PSPC1: variants seen among roughly 807,000 people sequenced by gnomAD.
PSPC1 encodes paraspeckle protein 1.
In PSPC1, 14 loss-of-function variants were observed where a neutral mutation model predicts 51.6. The observed-to-expected ratio is 0.27, with a 90% confidence interval of 0.18 to 0.42. The LOEUF (loss-of-function observed/expected upper bound fraction) is 0.42, where lower values mean the gene tolerates loss of function less well. PSPC1 is among the 10% of genes least tolerant of loss of function. The probability of loss-of-function intolerance (pLI) is 1.00; values close to 1 mark genes in which losing one functional copy is unlikely to be tolerated. For synonymous variants in PSPC1, 193 were observed against 231.9 expected (o/e 0.83, Z 1.53); for missense variants, 406 against 701.1 (o/e 0.58, Z 4.75).
At chr13:19,693,581 T>C (rs553825809) in intron 6 of PSPC1, among the ~76,000 whole-genome samples, 1 of 152,332 alleles carries the variant, frequency 6.6e-6, no homozygotes, top group Non-Finnish European at 1.5e-5. Flanking sequence ...CACAAATGTT[T>C]TAAGAGAAAT....
intron 3 of PSPC1, among the ~76,000 whole-genome samples, chr13:19,754,543 G>A (rs1450724393): frequency 2.7e-5 from 4 of 148,960 alleles, no homozygotes; most frequent in Non-Finnish European, 5.9e-5. Context: ...GGATTCAAGC[G>A]ATTCTCCTGC....
chr13:19,694,486 A>G (rs1304030820), intron 6 of PSPC1, among the ~76,000 whole-genome samples: 1 of 152,334 alleles, frequency 6.6e-6, no homozygotes, highest in East Asian at 1.9e-4. Context: ...GGCATATGCC[A>G]CATTTAAAAG....
downstream of PSPC1, chr13:19,672,371 T>TG: frequency 6.5e-6 from 1 of 154,072 alleles, no homozygotes; most frequent in Non-Finnish European, 1.4e-5. Context: ...CTTGAACTCC[T>TG]GACCTCAGGT....
intron 3 of PSPC1, among the ~76,000 whole-genome samples, chr13:19,752,578 T>C: frequency 6.6e-6 from 1 of 151,602 alleles, no homozygotes; most frequent in Non-Finnish European, 1.5e-5. Context: ...TTTTTCACTT[T>C]TTTATTTATT....
At chr13:19,756,522 G>A (rs1887087386) in intron 3 of PSPC1, among the ~76,000 whole-genome samples, 1 of 151,056 alleles carries the variant, frequency 6.6e-6, no homozygotes, top group Non-Finnish European at 1.5e-5. Flanking sequence ...TTTTTTTTGA[G>A]ACGGAGTCTC....
At chr13:19,777,590 TTAA>T (rs1889300442) in intron 1 of PSPC1, among the ~76,000 whole-genome samples, 1 of 152,180 alleles carries the variant, frequency 6.6e-6, no homozygotes, top group African/African-American at 2.4e-5. Context: ...TTCATTATTA[TTAA>T]TAGTTTGCGA....
chr13:19,745,889 T>A (rs1885922657), intron 4 of PSPC1, among the ~76,000 whole-genome samples: 1 of 152,178 alleles, frequency 6.6e-6, no homozygotes, highest in Non-Finnish European at 1.5e-5. Context: ...TCACATGTAT[T>A]TAAATCCTAA....
At chr13:19,675,698 C>T (rs1277063979) in intron 7 of PSPC1, 1 of 152,136 alleles carries the variant, frequency 6.6e-6, no homozygotes, top group Non-Finnish European at 1.5e-5. Context: ...GATCTAATCT[C>T]CATAGTATAT....
downstream of PSPC1, among the ~76,000 whole-genome samples, chr13:19,699,643 T>C (rs1367533535): frequency 3.3e-5 from 5 of 151,970 alleles, no homozygotes; most frequent in Non-Finnish European, 7.4e-5. Context: ...AAAAATGTTG[T>C]TTTTGGAGGC....
chr13:19,723,491 G>A (rs1227677932), intron 6 of PSPC1, among the ~76,000 whole-genome samples: 2 of 152,130 alleles, frequency 1.3e-5, no homozygotes, highest in African/African-American at 4.8e-5. Flanking sequence ...TATGCCTATT[G>A]TAGGAAGTAT....
chr13:19,746,009 G>GT (rs1193097882), intron 4 of PSPC1, among the ~76,000 whole-genome samples: 1,113 of 104,022 alleles, frequency 0.011, 7 homozygotes, highest in African/African-American at 0.025. Flanking sequence ...TTTGTTTTTT[G>GT]TTTTTTTTTT....
At chr13:19,701,396 C>T (rs1302166746), downstream of PSPC1, among the ~76,000 whole-genome samples, 1 of 151,016 alleles carries the variant, frequency 6.6e-6, no homozygotes, top group East Asian at 1.9e-4. Flanking sequence ...CTCCCCATAC[C>T]CCAATTAATG....
chr13:19,756,717 A>C (rs1014825963), intron 3 of PSPC1, among the ~76,000 whole-genome samples: 3 of 151,828 alleles, frequency 2.0e-5, no homozygotes, highest in Admixed American at 6.6e-5. Flanking sequence ...GGCTGGTCTC[A>C]AACTCCTGAC....
At chr13:19,779,378 T>C (rs1237881221) in intron 1 of PSPC1, among the ~76,000 whole-genome samples, 1 of 78,190 alleles carries the variant, frequency 1.3e-5, no homozygotes, top group Non-Finnish European at 2.6e-5. Flanking sequence ...GGGAGGGAGG[T>C]GGGGGGGTCA....
chr13:19,756,843 T>C (rs1008817268), intron 3 of PSPC1, among the ~76,000 whole-genome samples: 2 of 151,872 alleles, frequency 1.3e-5, no homozygotes, highest in Non-Finnish European at 2.9e-5. Flanking sequence ...TCAAAGACAG[T>C]CAGTCGCCGG....
chr13:19,671,689 G>T (rs1465784843), downstream of PSPC1: 8 of 667,748 alleles, frequency 1.2e-5, no homozygotes, highest in Admixed American at 2.2e-4. Context: ...AATTAAAATG[G>T]CAATGATCTA....
chr13:19,754,412 A>G (rs952336412), intron 3 of PSPC1, among the ~76,000 whole-genome samples: 3 of 150,446 alleles, frequency 2.0e-5, no homozygotes, highest in African/African-American at 4.9e-5. Context: ...CTGTGAATAA[A>G]TCTAAATCTT....
rs1036042204 is a variant in PSPC1, at chr13:19,744,859, G to A, written c.968-3210C>T. ...ATTAAAGGCGTGAGCCACCGCGCCC[G>A]GCCCAACTAGAGATGTCTTTATCTT... On this transcript the variant is annotated intron_variant, in intron 4 of 8. Transcript: ENST00000338910. Among the ~76,000 whole-genome samples, 13 of 152,176 alleles carry A rather than the reference G, an allele frequency of 8.5e-5. 1 individual carries two copies. Among genetic ancestry groups the A allele is most frequent in the South Asian group, 2.1e-4 (1 of 4,806 alleles).
downstream of PSPC1, among the ~76,000 whole-genome samples, chr13:19,673,688 CAT>C (rs1448511005): frequency 3.9e-5 from 6 of 152,164 alleles, no homozygotes; most frequent in African/African-American, 1.2e-4. Context: ...CAGAGGAACA[CAT>C]GAGAAGGTGA....
Sources: allele counts gnomAD v4.1 joint callset (sites outside exome capture counted in the v4.1 genomes callset), GRCh38; gene constraint gnomAD v4.1.1; transcripts MANE v1.5; gene names NCBI Gene and HGNC (gene_info 2026-07-23, HGNC 2026-07-21).